Variants in PDIA6 observed in about 807,000 individuals in gnomAD.
PDIA6 encodes the protein protein disulfide isomerase family A member 6.
In PDIA6, 29 loss-of-function variants were observed where a neutral mutation model predicts 58.4. The observed-to-expected ratio is 0.50, with a 90% CI of 0.37 to 0.68. The LOEUF (loss-of-function observed/expected upper bound fraction) is 0.68, where lower values mean the gene tolerates loss of function less well. Ranked by LOEUF, PDIA6 falls within the 30% of genes least tolerant of loss-of-function variation. The pLI is 0.00. For synonymous variants in PDIA6, 192 were observed against 202.6 expected (o/e 0.95, Z 0.44); for missense variants, 480 against 551.0 (o/e 0.87, Z 1.29).
intron 8 of PDIA6, 143 bp downstream of exon 8, chr2:10,789,605 CT>C (rs1013019368): frequency 4.5e-6 from 3 of 664,670 alleles, no homozygotes; most frequent in Non-Finnish European, 7.4e-6. Flanking sequence ...ATTTATCAGA[CT>C]TTTTTTCCAT....
At chr2:10,803,839 C>G (rs1220123048) in intron 1 of PDIA6, among the ~76,000 whole-genome samples, 10 of 151,726 alleles carry the variant, frequency 6.6e-5, no homozygotes, top group Admixed American at 6.6e-4. Flanking sequence ...ATCCTATCAC[C>G]TTGTGATGCC....
chr2:10,836,542 G>T (rs1223739570), upstream of PDIA6, among the ~76,000 whole-genome samples: 10 of 126,772 alleles, frequency 7.9e-5, no homozygotes, highest in South Asian at 1.9e-3. Flanking sequence ...ACTTTTGCAG[G>T]CTTTTTTTTT....
chr2:10,837,141 TCTGTTCTCA>T (rs1667845995), upstream of PDIA6, among the ~76,000 whole-genome samples: 3 of 152,130 alleles, frequency 2.0e-5, no homozygotes, highest in African/African-American at 7.2e-5. Context: ...TGTCCCTGCC[TCTGTTCTCA>T]CTGTCACCCC....
intron 1 of PDIA6, chr2:10,821,015 G>C: frequency 1.7e-6 from 1 of 572,694 alleles, no homozygotes; most frequent in Non-Finnish European, 3.1e-6. Context: ...AGGGGAGGGG[G>C]GTGGATTCTA....
At chr2:10,792,986 T>C (rs1666102782) in intron 5 of PDIA6, 110 bp downstream of exon 5, 2 of 733,028 alleles carry the variant, frequency 2.7e-6, no homozygotes, top group Admixed American at 2.1e-5. Flanking sequence ...TATTCTTTAA[T>C]TGAGAGTTCA....
chr2:10,797,264 G>A (rs761764311), intron 3 of PDIA6, 57 bp from the exon 4 acceptor site: 6 of 1,554,490 alleles, frequency 3.9e-6, no homozygotes, highest in Non-Finnish European at 5.2e-6. Context: ...GACTCCACAA[G>A]AACTCATTAT....
chr2:10,795,991 C>T (rs552049162), intron 4 of PDIA6, among the ~76,000 whole-genome samples: 43 of 152,254 alleles, frequency 2.8e-4, no homozygotes, highest in African/African-American at 9.6e-4. Flanking sequence ...AATACTTTTA[C>T]TAGCACTATG....
At chr2:10,819,458 C>A in intron 1 of PDIA6, 1 of 680,982 alleles carries the variant, frequency 1.5e-6, no homozygotes, top group Non-Finnish European at 2.5e-6. Context: ...TGTGAACCTG[C>A]TAAAACTGCT....
chr2:10,801,377 C>T (rs1666505582), intron 2 of PDIA6, among the ~76,000 whole-genome samples: 1 of 152,178 alleles, frequency 6.6e-6, no homozygotes, highest in Non-Finnish European at 1.5e-5. Context: ...CTAGATCCTG[C>T]CTTCTCAATT....
In PDIA6 at chr2:10,812,734, G is replaced by A. The variant is rs1667062227; in HGVS notation, c.-38C>T. 6.7e-6 allele frequency: 10 copies of A among 1,484,134 alleles called. No homozygotes were observed. The highest frequency in any genetic ancestry group is 2.2e-5 in the Admixed American group (1 of 45,528). 91.9% of individuals were successfully genotyped at this position (1,484,134 alleles called of 1,614,324 possible). On this transcript the variant is annotated 5_prime_UTR_variant, in exon 1 of 13. Transcript: ENST00000272227. ...GCTACGTGCAGTCCCCACCGCCGCC[G>A]CCGCTTCAGCCCTGCAGCGTGCCGC...
exon 1 of PDIA6, chr2:10,832,359 T>G (rs1332075013): frequency 2.1e-6 from 2 of 944,328 alleles, no homozygotes; most frequent in Non-Finnish European, 2.5e-6. Context: ...GCCGTGAGAA[T>G]GAGCAAACTG....
intron 4 of PDIA6, among the ~76,000 whole-genome samples, chr2:10,796,436 A>C (rs1451142910): frequency 2.0e-5 from 3 of 151,756 alleles, no homozygotes; most frequent in Non-Finnish European, 4.4e-5. Context: ...AGGCTGAAGT[A>C]GGAGGACTGC....
At chr2:10,785,841 T>C (rs1384134954) in intron 11 of PDIA6, among the ~76,000 whole-genome samples, 1 of 152,204 alleles carries the variant, frequency 6.6e-6, no homozygotes, top group Non-Finnish European at 1.5e-5. Context: ...GCCTCCCTAG[T>C]AGCTAGGACT....
chr2:10,803,071 C>T (rs545232813), intron 1 of PDIA6, among the ~76,000 whole-genome samples: 1 of 152,208 alleles, frequency 6.6e-6, no homozygotes, highest in African/African-American at 2.4e-5. Context: ...ATTATTAGCA[C>T]ATTATCTTTA....
At chr2:10,793,289 A>C in intron 4 of PDIA6, 87 bp from the exon 5 acceptor site, 1 of 830,800 alleles carries the variant, frequency 1.2e-6, no homozygotes, top group Non-Finnish European at 2.1e-6. Flanking sequence ...TCTTTACCTC[A>C]CTGTCGGCTT....
chr2:10,811,105 GAGTT>G (rs1320257562), intron 1 of PDIA6, among the ~76,000 whole-genome samples: 1 of 152,218 alleles, frequency 6.6e-6, no homozygotes, highest in African/African-American at 2.4e-5. Flanking sequence ...TTATTAAAAT[GAGTT>G]AATTAATAGA....
chr2:10,822,679 A>G (rs1667435916), intron 1 of PDIA6, among the ~76,000 whole-genome samples: 1 of 152,226 alleles, frequency 6.6e-6, no homozygotes, highest in South Asian at 2.1e-4. Context: ...CCTCTATACC[A>G]TCTAATAAGT....
upstream of PDIA6, among the ~76,000 whole-genome samples, chr2:10,813,964 A>G (rs1204991706): frequency 2.0e-5 from 3 of 151,986 alleles, no homozygotes; most frequent in Admixed American, 6.6e-5. Context: ...ACCTCAGGTG[A>G]TCCGCCTGCT....
At chr2:10,810,244 TA>T (rs1365340193) in intron 1 of PDIA6, 1 of 1,434,926 alleles carries the variant, frequency 7.0e-7, no homozygotes, top group East Asian at 2.5e-5. Flanking sequence ...ATAACTTACC[TA>T]AGATCATATA....
Sources: allele counts gnomAD v4.1 joint callset (sites outside exome capture counted in the v4.1 genomes callset), GRCh38; gene constraint gnomAD v4.1.1; transcripts MANE v1.5; gene names NCBI Gene and HGNC (gene_info 2026-07-23, HGNC 2026-07-21).